ITPR2: variants seen among roughly 807,000 people sequenced by gnomAD.
ITPR2 encodes the protein inositol 1,4,5-trisphosphate receptor type 2, also known as inositol 1,4,5-trisphosphate-gated calcium channel ITPR2.
ITPR2 carries 207 observed loss-of-function variants against 317.1 expected under a neutral mutation model. That is an observed-to-expected ratio of 0.65 (90% CI 0.58 to 0.73). The LOEUF (loss-of-function observed/expected upper bound fraction) is 0.73, where lower values mean the gene tolerates loss of function less well. ITPR2 is among the 30% of genes least tolerant of loss of function. The probability of loss-of-function intolerance (pLI) is 0.00; values close to 1 mark genes in which losing one functional copy is unlikely to be tolerated. For synonymous variants in ITPR2, 1,156 were observed against 1,149.1 expected (o/e 1.01, Z -0.12); for missense variants, 2,613 against 3,284.0 (o/e 0.80, Z 4.99).
intron 1 of ITPR2, among the ~76,000 whole-genome samples, chr12:26,822,692 A>C (rs1038119085): frequency 2.0e-5 from 3 of 152,176 alleles, no homozygotes; most frequent in African/African-American, 7.2e-5. Flanking sequence ...ACTTCGCATA[A>C]ATTTCTCCCA....
At chr12:26,563,605 G>C (rs1944875795) in intron 34 of ITPR2, among the ~76,000 whole-genome samples, 1 of 151,900 alleles carries the variant, frequency 6.6e-6, no homozygotes, top group Admixed American at 6.6e-5. Context: ...CACCAGCAGA[G>C]AGAGGAAATA....
chr12:26,568,077 T>C (rs1447733549), intron 34 of ITPR2, among the ~76,000 whole-genome samples: 1 of 146,596 alleles, frequency 6.8e-6, no homozygotes, highest in East Asian at 2.0e-4. Flanking sequence ...GATTAGCAGT[T>C]ATTCTCTGCC....
At chr12:26,726,193 A>G (rs778046423) in intron 2 of ITPR2, among the ~76,000 whole-genome samples, 1 of 152,206 alleles carries the variant, frequency 6.6e-6, no homozygotes, top group East Asian at 1.9e-4. Context: ...CAGGAAGTAG[A>G]TCCCAGCTGA....
intron 13 of ITPR2, among the ~76,000 whole-genome samples, chr12:26,674,317 A>C (rs1401575208): frequency 6.6e-6 from 1 of 152,198 alleles, no homozygotes. Flanking sequence ...TATAGTAACC[A>C]AAACAGCATG....
chr12:26,495,024 A>C (rs1402985553), intron 38 of ITPR2, 128 bp downstream of exon 38: 1 of 661,388 alleles, frequency 1.5e-6, no homozygotes, highest in Non-Finnish European at 2.7e-6. Context: ...AATTGTATGA[A>C]AGTTTTTAAC....
At chr12:26,449,669 A>G (rs1326248660) in intron 45 of ITPR2, among the ~76,000 whole-genome samples, 1 of 152,144 alleles carries the variant, frequency 6.6e-6, no homozygotes, top group Non-Finnish European at 1.5e-5. Flanking sequence ...ATGTCCAGGT[A>G]GAAAGGAGGA....
At chr12:26,779,916 G>A (rs752394267) in intron 2 of ITPR2, among the ~76,000 whole-genome samples, 21 of 152,324 alleles carry the variant, frequency 1.4e-4, no homozygotes, top group Non-Finnish European at 2.6e-4. Context: ...GTATGTAGAC[G>A]GGCCTCTCTG....
chr12:26,585,205 C>G (rs1305782366), intron 32 of ITPR2, among the ~76,000 whole-genome samples: 1 of 151,936 alleles, frequency 6.6e-6, no homozygotes, highest in Non-Finnish European at 1.5e-5. Flanking sequence ...TTTTGTTCTG[C>G]CATATATATT....
At chr12:26,604,363 A>C (rs568999766) in intron 26 of ITPR2, among the ~76,000 whole-genome samples, 55 of 152,168 alleles carry the variant, frequency 3.6e-4, no homozygotes, top group Non-Finnish European at 7.6e-4. Context: ...CTACAAAGAC[A>C]CTTTCTCTTT....
chr12:26,358,715 T>C (rs1157066423), intron 55 of ITPR2, among the ~76,000 whole-genome samples: 1 of 151,998 alleles, frequency 6.6e-6, no homozygotes, highest in Non-Finnish European at 1.5e-5. Context: ...TTTCCTGGCA[T>C]AAATTCTTAA....
intron 32 of ITPR2, among the ~76,000 whole-genome samples, chr12:26,594,563 C>T (rs902291596): frequency 6.6e-6 from 1 of 152,112 alleles, no homozygotes; most frequent in Non-Finnish European, 1.5e-5. Flanking sequence ...TACTAGCACT[C>T]AGGAATGTTG....
intron 37 of ITPR2, among the ~76,000 whole-genome samples, chr12:26,516,039 G>C (rs1943480665): frequency 6.6e-6 from 1 of 151,384 alleles, no homozygotes; most frequent in Non-Finnish European, 1.5e-5. Context: ...CAGGAGGACT[G>C]CTTGAGCCCT....
At chr12:26,481,932 C>T (rs1482193821) in intron 42 of ITPR2, among the ~76,000 whole-genome samples, 2 of 152,162 alleles carry the variant, frequency 1.3e-5, no homozygotes, top group African/African-American at 2.4e-5. Context: ...AGGTTAAGAT[C>T]GACCATGCTG....
chr12:26,443,637 TTG>T lies in ITPR2; in HGVS notation c.6354_6355del (p.His2118GlnfsTer2), dbSNP rs1171018343. The T allele has an allele frequency of 1.4e-5, 23 of 1,612,678 alleles. No individual in the cohort carries two copies. The highest frequency in any genetic ancestry group is 2.7e-5 in the African/African-American group (2 of 74,874). On this transcript the variant is annotated frameshift_variant, in exon 46 of 57. Coordinates refer to ENST00000381340, the MANE Select transcript of ITPR2 (RefSeq NM_002223.4). LOFTEE classifies it high-confidence loss of function. ...TTTGAGCATCTGCTGCAACAGTTTA[TTG>T]TGGCGGGCCAACTAGAGTAGGGAAA...
intron 1 of ITPR2, among the ~76,000 whole-genome samples, chr12:26,809,516 A>C (rs866411458): frequency 6.6e-6 from 1 of 152,216 alleles, no homozygotes; most frequent in Non-Finnish European, 1.5e-5. Flanking sequence ...AGGAACAGGC[A>C]ATCTCATTTG....
chr12:26,468,400 T>C (rs751946312), intron 45 of ITPR2, among the ~76,000 whole-genome samples: 20 of 152,170 alleles, frequency 1.3e-4, no homozygotes, highest in Non-Finnish European at 2.6e-4. Context: ...AATAAGATTA[T>C]GGACTGCCAG....
chr12:26,576,801 C>A (rs1034814739), intron 34 of ITPR2, among the ~76,000 whole-genome samples: 4 of 152,158 alleles, frequency 2.6e-5, no homozygotes, highest in African/African-American at 9.7e-5. Context: ...AAGGGAGGTG[C>A]TATGGCTTTA....
intron 31 of ITPR2, 115 bp from the exon 32 acceptor site, chr12:26,595,705 G>T: frequency 1.2e-6 from 1 of 833,424 alleles, no homozygotes; most frequent in Non-Finnish European, 1.8e-6. Context: ...TCATAGCATA[G>T]TTTTGTCTAT....
intron 10 of ITPR2, among the ~76,000 whole-genome samples, chr12:26,688,381 C>G (rs1336754945): frequency 6.6e-6 from 1 of 152,022 alleles, no homozygotes; most frequent in Non-Finnish European, 1.5e-5. Context: ...AATACCAAAG[C>G]CATTCCTTTG....
Sources: allele counts gnomAD v4.1 joint callset (sites outside exome capture counted in the v4.1 genomes callset), GRCh38; gene constraint gnomAD v4.1.1; transcripts MANE v1.5; gene names NCBI Gene and HGNC (gene_info 2026-07-23, HGNC 2026-07-21).